Variants in CCDC171 observed in about 807,000 individuals in gnomAD.
CCDC171 encodes coiled-coil domain-containing protein 171.
CCDC171 carries 177 observed loss-of-function variants against 168.2 expected under a neutral mutation model. That is an observed-to-expected ratio of 1.05 (90% CI 0.93 to 1.19). The LOEUF is 1.19. Among genes scored for constraint, CCDC171 ranks in the 50% most tolerant of loss-of-function variants. The pLI is 0.00. For missense variants in CCDC171, 1,991 were observed against 1,539.0 expected (o/e 1.29, Z -4.91); for synonymous variants, 687 against 540.8 (o/e 1.27, Z -3.75).
Position 15,702,675 on chromosome 9 carries a change from A to G in CCDC171, c.1318+7338A>G, listed in dbSNP as rs530614218. On this transcript the variant is annotated intron_variant, in intron 11 of 25. Coordinates refer to ENST00000380701, the MANE Select transcript of CCDC171 (RefSeq NM_173550.4). The stretch of plus-strand genomic sequence containing the variant: ...AAAGACTGTTTAGTCTTCACTGAAA[A>G]TCTGTTGTTTAGTGTAGCTACCTGC... Among the ~76,000 whole-genome samples, 6 of 152,228 alleles carry G rather than the reference A, an allele frequency of 3.9e-5. No homozygotes were observed. In the South Asian group the frequency reaches 1.0e-3, roughly 26 times the overall value.
intron 16 of CCDC171, among the ~76,000 whole-genome samples, chr9:15,730,977 C>T (rs2054116349): frequency 6.6e-6 from 1 of 151,916 alleles, no homozygotes; most frequent in Non-Finnish European, 1.5e-5. Context: ...TTATGGGGTA[C>T]ATGTGATATT....
chr9:15,801,699 T>G (rs763270301), intron 21 of CCDC171, among the ~76,000 whole-genome samples: 4 of 152,062 alleles, frequency 2.6e-5, no homozygotes, highest in Non-Finnish European at 5.9e-5. Flanking sequence ...ATTCAGATCT[T>G]AGAGGAAAGG....
At chr9:15,650,021 T>C (rs1564137114) in intron 7 of CCDC171, among the ~76,000 whole-genome samples, 1 of 152,112 alleles carries the variant, frequency 6.6e-6, no homozygotes, top group South Asian at 2.1e-4. Flanking sequence ...CATGATAGAC[T>C]GGATTAAGAA....
At chr9:15,629,819 A>T (rs888993566) in intron 7 of CCDC171, among the ~76,000 whole-genome samples, 3 of 152,240 alleles carry the variant, frequency 2.0e-5, no homozygotes, top group African/African-American at 7.2e-5. Context: ...TCAGACTAAC[A>T]GTGGATCTCT....
At chr9:15,942,601 C>G (rs2132310002) in intron 25 of CCDC171, among the ~76,000 whole-genome samples, 1 of 151,968 alleles carries the variant, frequency 6.6e-6, no homozygotes, top group African/African-American at 2.4e-5. Flanking sequence ...GAGGAATATA[C>G]TAGTAGACAA....
intron 18 of CCDC171, among the ~76,000 whole-genome samples, chr9:15,768,203 A>C (rs978835261): frequency 4.0e-5 from 6 of 151,668 alleles, no homozygotes; most frequent in African/African-American, 1.5e-4. Context: ...AAAAAAAAAA[A>C]ACCCTAAAAT....
intron 18 of CCDC171, among the ~76,000 whole-genome samples, chr9:15,747,347 C>CCTGACAGCTCTGAAGAGAGCAGTGGTT (rs1230307868): frequency 2.0e-5 from 3 of 152,204 alleles, no homozygotes. Flanking sequence ...CATTCCCCTG[C>CCTGACAGCTCTGAAGAGAGCAGTGGTT]CTGACAGCTC....
chr9:15,597,655 C>G (rs2042478959), intron 6 of CCDC171, among the ~76,000 whole-genome samples: 1 of 152,110 alleles, frequency 6.6e-6, no homozygotes, highest in African/African-American at 2.4e-5. Flanking sequence ...TGATGCTGGC[C>G]TCATAAAATG....
chr9:16,013,326 C>G (rs920715008), intron 3 of CCDC171, among the ~76,000 whole-genome samples: 4 of 152,202 alleles, frequency 2.6e-5, no homozygotes, highest in Non-Finnish European at 5.9e-5. Flanking sequence ...CTCTAGCTTT[C>G]TGCCTCTCAT....
the CCDC171 span, among the ~76,000 whole-genome samples, chr9:16,086,706 A>G: frequency 3.3e-5 from 5 of 152,138 alleles, no homozygotes; most frequent in East Asian, 1.9e-4. Flanking sequence ...TCATGTCTCT[A>G]TCTCCTTCAG....
At chr9:16,012,601 G>C (rs1411191781) in intron 3 of CCDC171, among the ~76,000 whole-genome samples, 1 of 49,422 alleles carries the variant, frequency 2.0e-5, no homozygotes, top group Non-Finnish European at 4.4e-5. Flanking sequence ...GTTATGGATT[G>C]CTGGTTGTTT....
chr9:15,928,191 A>G (rs1477351850), intron 25 of CCDC171, among the ~76,000 whole-genome samples: 2 of 151,752 alleles, frequency 1.3e-5, no homozygotes, highest in African/African-American at 2.4e-5. Flanking sequence ...TGGAGAATAC[A>G]ACCATTGTAC....
At chr9:15,564,808 G>A (rs898393111) in intron 2 of CCDC171, among the ~76,000 whole-genome samples, 1 of 152,240 alleles carries the variant, frequency 6.6e-6, no homozygotes, top group African/African-American at 2.4e-5. Flanking sequence ...TTATAGTCAT[G>A]TAACAGAGTA....
chr9:15,805,512 T>C, intron 21 of CCDC171, among the ~76,000 whole-genome samples: 1 of 152,182 alleles, frequency 6.6e-6, no homozygotes. Context: ...CCAAAAATCA[T>C]TCAGGAGCAG....
chr9:15,797,799 A>G (rs965954012), intron 21 of CCDC171, among the ~76,000 whole-genome samples: 1 of 152,194 alleles, frequency 6.6e-6, no homozygotes, highest in Non-Finnish European at 1.5e-5. Context: ...TGACAATTAT[A>G]TCAGTTAATT....
chr9:16,002,706 T>G (rs1832588457), intron 3 of CCDC171, among the ~76,000 whole-genome samples: 2 of 152,220 alleles, frequency 1.3e-5, no homozygotes, highest in African/African-American at 4.8e-5. Flanking sequence ...GCCTTCACAT[T>G]CACTCACCAC....
At chr9:15,959,271 A>C (rs369897474) in intron 25 of CCDC171, among the ~76,000 whole-genome samples, 1 of 152,130 alleles carries the variant, frequency 6.6e-6, no homozygotes, top group East Asian at 1.9e-4. Flanking sequence ...ATCCATTTCT[A>C]TCTATAAAGT....
intron 18 of CCDC171, among the ~76,000 whole-genome samples, chr9:15,756,339 A>G (rs368278800): frequency 1.6e-4 from 24 of 152,214 alleles, no homozygotes; most frequent in East Asian, 5.8e-4. Flanking sequence ...ATATTTTTCT[A>G]TCAGCTCACA....
At chr9:16,075,920 G>A in the CCDC171 span, among the ~76,000 whole-genome samples, 1 of 152,120 alleles carries the variant, frequency 6.6e-6, no homozygotes. Context: ...TAGATAGAGG[G>A]CATCCCACCA....
Sources: gnomAD v4.1 joint callset for allele counts (sites outside exome capture counted in the v4.1 genomes callset) on GRCh38, gnomAD v4.1.1 for gene constraint, MANE v1.5 for transcripts, NCBI Gene and HGNC (gene_info 2026-07-23, HGNC 2026-07-21) for gene names.